The following USP13 variants were observed in gnomAD, a reference collection of about 807,000 sequenced individuals.
USP13 encodes ubiquitin specific peptidase 13.
A neutral mutation model predicts 107.8 loss-of-function variants in USP13; 68 were observed. That is an observed-to-expected ratio of 0.63 (90% CI 0.52 to 0.77). The LOEUF (loss-of-function observed/expected upper bound fraction) is 0.77, where lower values mean the gene tolerates loss of function less well. Ranked by LOEUF, USP13 falls within the 30% of genes least tolerant of loss-of-function variation. The probability of loss-of-function intolerance (pLI) is 0.00; values close to 1 mark genes in which losing one functional copy is unlikely to be tolerated. For synonymous variants in USP13, 377 were observed against 389.5 expected, an observed-to-expected ratio of 0.97 and a Z score of 0.38; for missense variants, 945 against 1,093.3, an observed-to-expected ratio of 0.86 and a Z score of 1.91.
At chr3:179,682,118 C>A in intron 2 of USP13, 115 bp downstream of exon 2, 2 of 1,349,972 alleles carry the variant, frequency 1.5e-6, no homozygotes, top group Admixed American at 2.4e-5. Flanking sequence ...TTCCCTTTGA[C>A]GATGAGAAAC....
chr3:179,779,232 T>TA (rs71182517), intron 19 of USP13, among the ~76,000 whole-genome samples: 126 of 144,944 alleles, frequency 8.7e-4, no homozygotes, highest in African/African-American at 2.1e-3. Context: ...TGACTTCCAT[T>TA]AAAAAAAAAA....
In USP13 at chr3:179,691,586, A is replaced by G. The variant is rs75652946; in HGVS notation, c.355+1285A>G. Among the ~76,000 whole-genome samples the G allele has an allele frequency of 7.9e-5, 12 of 152,300 alleles. No individual in the cohort carries two copies. The East Asian group carries it at 1.7e-3, about 22-fold the overall frequency. The stretch of plus-strand genomic sequence containing the variant: ...TGTCATACTGGTCATGCTGAACTTG[A>G]TCATTGTTAAGGTAGTGTCTGCTGG... On this transcript the variant is annotated intron_variant, in intron 3 of 20. Transcript: ENST00000263966.
Position 179,761,174 on chromosome 3 carries a change from T to C in USP13, c.2011T>C (p.Cys671Arg). Residue 671 changes from cysteine (C) to arginine (R), a missense_variant, in exon 17 of 21, where the codon TGT becomes CGT. Cys to Arg is a radical substitution (Grantham distance 180). Transcript: ENST00000263966. ...CGAGATGGGTTTCCCGCTGGAAGCA[T>C]GTCGCAAGGCTGTGTACTTCACTGG... ...LAEMGFPLEA[C>R]RKAVYFTGNM... The C allele has an allele frequency of 6.2e-7, 1 of 1,614,168 alleles. No homozygotes were observed. The highest frequency in any genetic ancestry group is 8.5e-7 in the Non-Finnish European group (1 of 1,180,038).
Position 179,742,061 on chromosome 3 carries a change from C to T in USP13, c.1381-136C>T. The T allele has an allele frequency of 2.9e-6, 3 of 1,046,170 alleles. No homozygotes were observed. The highest frequency in any genetic ancestry group is 2.6e-5 in the East Asian group (1 of 37,784). The allele number at this position is 1,046,170 out of a possible 1,614,324, so 64.8% of individuals were successfully genotyped here. On this transcript the variant is annotated intron_variant, in intron 11 of 20. Transcript: ENST00000263966. This position sits in a 1 kb window ranked among gnomAD's most constrained non-coding sequence, Gnocchi z 5.0. The stretch of plus-strand genomic sequence containing the variant: ...ATTCCAGTGTTTTTCTATTAAAGTG[C>T]TTTGGTGAATGGGCATGGCCAGAGG...
chr3:179,731,071 C>A (rs1713786866), intron 10 of USP13, among the ~76,000 whole-genome samples: 1 of 152,160 alleles, frequency 6.6e-6, no homozygotes. Flanking sequence ...TTCTCCTAAG[C>A]CTCAACTTTC....
chr3:179,663,583 C>CCTTA (rs944788364), intron 1 of USP13, among the ~76,000 whole-genome samples: 1 of 152,210 alleles, frequency 6.6e-6, no homozygotes, highest in African/African-American at 2.4e-5. Flanking sequence ...CTAACAACCA[C>CCTTA]CTTACTTTCC....
chr3:179,780,282 A>G lies in USP13; in HGVS notation c.2414-1457A>G, dbSNP rs142453422. Among the ~76,000 whole-genome samples, 703 of 152,350 alleles carry G rather than the reference A, an allele frequency of 4.6e-3. 6 individuals are homozygous for G. Among genetic ancestry groups the G allele is most frequent in the African/African-American group, 0.016 (646 of 41,576 alleles). ...AAGTTATTTGGATTATCAAGGAAGA[A>G]GTAAAACTGTCTCTATTTGCAGATG... On this transcript the variant is annotated intron_variant, in intron 19 of 20. Transcript: ENST00000263966.
intron 19 of USP13, among the ~76,000 whole-genome samples, chr3:179,772,685 G>A (rs552539799): frequency 1.3e-5 from 2 of 152,244 alleles, no homozygotes; most frequent in Non-Finnish European, 2.9e-5. Flanking sequence ...CGGTGCTGTT[G>A]AAAGTTAAGA....
chr3:179,677,461 T>C (rs1711511958), intron 1 of USP13, among the ~76,000 whole-genome samples: 1 of 151,884 alleles, frequency 6.6e-6, no homozygotes, highest in Non-Finnish European at 1.5e-5. Context: ...ATGCCTCTAA[T>C]CCCAGATACT....
rs150638325 is a variant in USP13 at position 179,698,067 on chromosome 3, A to G, written c.356-2941A>G. 3.4e-3 allele frequency among the ~76,000 whole-genome samples: 513 copies of G among 152,308 alleles called. 2 individuals carry two copies. Among genetic ancestry groups the G allele is most frequent in the African/African-American group, 0.012 (488 of 41,578 alleles). Reference sequence around the variant, plus strand: ...GACTTCCTGAAGTCCCCATTCACAGACATTTACAGGGTGTGTAGTGTGTGC... The same window carrying G: ...GACTTCCTGAAGTCCCCATTCACAGGCATTTACAGGGTGTGTAGTGTGTGC... On this transcript the variant is annotated intron_variant, in intron 3 of 20. Coordinates refer to ENST00000263966, the MANE Select transcript of USP13 (RefSeq NM_003940.3).
chr3:179,712,493 C>T (rs1421441992), intron 6 of USP13, among the ~76,000 whole-genome samples: 3 of 152,088 alleles, frequency 2.0e-5, no homozygotes, highest in South Asian at 4.1e-4. Context: ...TACACACGCA[C>T]ACCCACCTCA....
In USP13 at chr3:179,761,254, A is replaced by T; in HGVS notation, c.2091A>T (p.Pro697=). ...GGATCATTGTTCACATGGAAGAGCC[A>T]GGTAGGTGGCGAGAAAATGGAATGG... ...FNWIIVHMEE[P]DFAEPLTMPG... Residue 697 remains proline (P), a splice_region_variant and synonymous_variant, in exon 17 of 21, where the codon CCA becomes CCT. Transcript: ENST00000263966. 1 of 1,614,148 alleles carries T rather than the reference A, an allele frequency of 6.2e-7. No individual in the cohort carries two copies. Among genetic ancestry groups the T allele is most frequent in the Middle Eastern group, 1.6e-4 (1 of 6,062 alleles).
chr3:179,778,782 A>T (rs1715636802), intron 19 of USP13, among the ~76,000 whole-genome samples: 1 of 152,072 alleles, frequency 6.6e-6, no homozygotes, highest in South Asian at 2.1e-4. Flanking sequence ...AAAAAAAAAA[A>T]ACGAATGCGA....
At chr3:179,719,243 G>A (rs1402302480) in intron 6 of USP13, among the ~76,000 whole-genome samples, 1 of 152,110 alleles carries the variant, frequency 6.6e-6, no homozygotes, top group Non-Finnish European at 1.5e-5. Context: ...GGCAGGGCAG[G>A]GCTGGCTGGA....
chr3:179,745,529 T>TCTTTCTTCCTTC lies in USP13; in HGVS notation c.1709+315_1709+316insTCTTCCTTCCTT, dbSNP rs1553796908. 2.5e-3 allele frequency among the ~76,000 whole-genome samples: 367 copies of TCTTTCTTCCTTC among 148,694 alleles called. 5 individuals carry two copies. The highest frequency in any genetic ancestry group is 9.3e-3 in the African/African-American group (357 of 38,434). ...TCCTTCCTTCCTTTCTTTCTTCCTTTCTTCCTTCCTTCCTTCCTCCTTCCC... is the reference window on the plus strand; with the variant it reads ...TCCTTCCTTCCTTTCTTTCTTCCTTTCTTTCTTCCTTCCTTCCTTCCTTCCTTCCTCCTTCCC... On this transcript the variant is annotated intron_variant, in intron 13 of 20. Transcript: ENST00000263966.
chr3:179,661,790 T>C (rs1400703887), intron 1 of USP13, among the ~76,000 whole-genome samples: 1 of 152,100 alleles, frequency 6.6e-6, no homozygotes, highest in African/African-American at 2.4e-5. Context: ...TTTCCCAGAG[T>C]CCCTTGGTGG....
chr3:179,702,058 T>TCA (rs1712547920), intron 4 of USP13, among the ~76,000 whole-genome samples: 1 of 152,014 alleles, frequency 6.6e-6, no homozygotes, highest in Non-Finnish European at 1.5e-5. Context: ...CTCGCTCTGT[T>TCA]GCCCAGGCTG....
intron 1 of USP13, among the ~76,000 whole-genome samples, chr3:179,657,596 A>G (rs1720306542): frequency 6.6e-6 from 1 of 151,370 alleles, no homozygotes; most frequent in East Asian, 1.9e-4. Flanking sequence ...CCCTGTCTCT[A>G]CTAAAAAAAA....
At chr3:179,752,023 G>C (rs546599073) in intron 13 of USP13, among the ~76,000 whole-genome samples, 3 of 152,210 alleles carry the variant, frequency 2.0e-5, no homozygotes, top group African/African-American at 7.2e-5. Context: ...GATTACAGGC[G>C]TGAGCCACCG....
Sources: allele counts gnomAD v4.1 joint callset (sites outside exome capture counted in the v4.1 genomes callset), GRCh38; gene constraint gnomAD v4.1.1; non-coding constraint Gnocchi (gnomAD v3.1); transcripts MANE v1.5; gene names NCBI Gene and HGNC (gene_info 2026-07-23, HGNC 2026-07-21).